Variants in DOCK1 observed in about 807,000 individuals in gnomAD.
The protein encoded by DOCK1 is dedicator of cytokinesis 1, also known as dedicator of cytokinesis protein 1.
Under a neutral mutation model 262.7 loss-of-function variants are expected in DOCK1, and 138 were observed. The ratio of observed to expected loss-of-function variants is 0.53; its 90% CI spans 0.46 to 0.61. The LOEUF (loss-of-function observed/expected upper bound fraction) is 0.61. Among genes scored for constraint, DOCK1 ranks in the 20% least tolerant of loss-of-function variants. The probability of loss-of-function intolerance (pLI) is 0.00; values close to 1 mark genes in which losing one functional copy is unlikely to be tolerated. For synonymous variants in DOCK1, 866 were observed against 867.4 expected, an observed-to-expected ratio of 1.00 and a Z score of 0.03; for missense variants, 1,908 against 2,370.7, an observed-to-expected ratio of 0.80 and a Z score of 4.05.
At chr10:127,322,084 C>CA (rs1420342375) in intron 29 of DOCK1, among the ~76,000 whole-genome samples, 1 of 150,488 alleles carries the variant, frequency 6.6e-6, no homozygotes, top group Non-Finnish European at 1.5e-5. Context: ...GTATGGGAGA[C>CA]AGAGCGAGAC....
chr10:127,137,785 T>C, intron 27 of DOCK1: 1 of 1,522,504 alleles, frequency 6.6e-7, no homozygotes, highest in Non-Finnish European at 8.9e-7. Flanking sequence ...AGTATTGACT[T>C]AAACTCCAGT....
chr10:127,363,010 T>TCC (rs1364598234), intron 33 of DOCK1, among the ~76,000 whole-genome samples: 3 of 40,642 alleles, frequency 7.4e-5, no homozygotes, highest in South Asian at 7.7e-4. Context: ...CACACGCACA[T>TCC]CCCCACACAC....
chr10:127,283,141 G>A (rs1173857060), intron 29 of DOCK1, among the ~76,000 whole-genome samples: 1 of 152,236 alleles, frequency 6.6e-6, no homozygotes, highest in Admixed American at 6.5e-5. Context: ...GGCCTTGAAG[G>A]CCAGTTGGAA....
rs1410904650 is a variant in DOCK1, at chr10:126,944,792, G to A, written c.47-25910G>A. 2.0e-5 allele frequency among the ~76,000 whole-genome samples: 3 copies of A among 152,158 alleles called. No individual in the cohort carries two copies. The East Asian group carries it at 5.8e-4, about 30-fold the overall frequency. On this transcript the variant is annotated intron_variant, in intron 1 of 51. Coordinates refer to ENST00000623213, the MANE Select transcript of DOCK1 (RefSeq NM_001290223.2). ...CTCTCAGTAAGAAGCTGGAGAGGGT[G>A]TTATCAACAGCTGTGTAACAGATCA...
intron 27 of DOCK1, among the ~76,000 whole-genome samples, chr10:127,139,655 G>A (rs1019707899): frequency 6.6e-6 from 1 of 152,198 alleles, no homozygotes; most frequent in Non-Finnish European, 1.5e-5. Flanking sequence ...GTGATGTGGT[G>A]CACTAGAAGG....
chr10:127,303,059 C>T lies in DOCK1; in HGVS notation c.3045-35947C>T, dbSNP rs77094641. Among the ~76,000 whole-genome samples, 1,347 of 152,194 alleles carry T rather than the reference C, an allele frequency of 8.9e-3. 37 individuals carry two copies. In the East Asian group the frequency reaches 0.11, roughly 12 times the overall value. On this transcript the variant is annotated intron_variant, in intron 29 of 51. Coordinates refer to ENST00000623213, the MANE Select transcript of DOCK1 (RefSeq NM_001290223.2). ...GTTAAGGAAAGAGTTATTCTGACAA[C>T]GGTTAGCAGGATAAAGAAGATTTTA...
intron 29 of DOCK1, among the ~76,000 whole-genome samples, chr10:127,283,804 T>C (rs1190586791): frequency 1.3e-5 from 2 of 152,226 alleles, no homozygotes; most frequent in Non-Finnish European, 1.5e-5. Flanking sequence ...TTTAGGTTGC[T>C]CTCAAGTTGT....
intron 1 of DOCK1, among the ~76,000 whole-genome samples, chr10:126,921,433 A>G (rs1242029765): frequency 3.3e-5 from 5 of 152,204 alleles, no homozygotes; most frequent in Non-Finnish European, 7.3e-5. Flanking sequence ...GCAAGAAGCC[A>G]GTCACAGAGG....
At chr10:127,064,531 G>A (rs1197308435) in intron 23 of DOCK1, among the ~76,000 whole-genome samples, 8 of 152,278 alleles carry the variant, frequency 5.3e-5, no homozygotes, top group East Asian at 1.9e-4. Context: ...AATGGAGGAC[G>A]CGTGGGCCAG....
intron 27 of DOCK1, among the ~76,000 whole-genome samples, chr10:127,199,128 T>C (rs578235339): frequency 6.6e-6 from 1 of 152,326 alleles, no homozygotes; most frequent in African/African-American, 2.4e-5. Flanking sequence ...TATATTTTGC[T>C]TAAGATTTTT....
rs547580084 is a variant in DOCK1 at position 127,242,421 on chromosome 10, A to G, written c.2848-5587A>G. Among the ~76,000 whole-genome samples, 63 of 152,274 alleles carry G rather than the reference A, an allele frequency of 4.1e-4. 1 individual carries two copies. The South Asian group carries it at 0.013, about 31-fold the overall frequency. Reference sequence around the variant, plus strand: ...ACATTTTGCCATTGGCTTTCCCTCTACAAAAGAGAAAGCCATTGTGCTCTG... The same window carrying G: ...ACATTTTGCCATTGGCTTTCCCTCTGCAAAAGAGAAAGCCATTGTGCTCTG... On this transcript the variant is annotated intron_variant, in intron 27 of 51. Coordinates refer to ENST00000623213, the MANE Select transcript of DOCK1 (RefSeq NM_001290223.2).
intron 47 of DOCK1, among the ~76,000 whole-genome samples, chr10:127,427,141 G>A (rs1246839949): frequency 1.3e-5 from 2 of 152,228 alleles, no homozygotes; most frequent in Non-Finnish European, 2.9e-5. Context: ...GCACAGAGAA[G>A]CAGGGAGCTC....
chr10:127,451,580 A>G lies in DOCK1; in HGVS notation c.*153A>G. 6.7e-7 allele frequency: 1 copy of G among 1,481,552 alleles called. No homozygotes were observed. The highest frequency in any genetic ancestry group is 9.0e-7 in the Non-Finnish European group (1 of 1,114,514). The allele number at this position is 1,481,552 out of a possible 1,614,324, so 91.8% of individuals were successfully genotyped here. A position where few individuals can be genotyped will look rare whatever the true frequency, so the allele number is the denominator to read the frequency against. On this transcript the variant is annotated 3_prime_UTR_variant, in exon 52 of 52. Coordinates refer to ENST00000623213, the MANE Select transcript of DOCK1 (RefSeq NM_001290223.2). Reference sequence around the variant, plus strand: ...TCTTCAAAGGAGTTCAGTTCTCACCATGGAGTGAGTGGCCTTTAGCGTCAT... The same window carrying G: ...TCTTCAAAGGAGTTCAGTTCTCACCGTGGAGTGAGTGGCCTTTAGCGTCAT...
chr10:127,405,053 T>C (rs1020733686), intron 40 of DOCK1, among the ~76,000 whole-genome samples: 2 of 152,356 alleles, frequency 1.3e-5, no homozygotes, highest in Non-Finnish European at 2.9e-5. Flanking sequence ...TGAATGGTAT[T>C]TCATTGCATG....
chr10:127,338,174 C>A (rs1451770743), intron 29 of DOCK1, among the ~76,000 whole-genome samples: 1 of 152,172 alleles, frequency 6.6e-6, no homozygotes, highest in Non-Finnish European at 1.5e-5. Context: ...AATACTAATT[C>A]CTCTTACATC....
chr10:127,008,574 A>G (rs566853797), intron 10 of DOCK1, among the ~76,000 whole-genome samples, 158 bp from the exon 11 acceptor site: 2 of 148,962 alleles, frequency 1.3e-5, no homozygotes, highest in African/African-American at 4.9e-5. Context: ...CTGATAACTT[A>G]ATTTGTCTTT....
chr10:127,142,882 G>C (rs966890630), intron 27 of DOCK1, among the ~76,000 whole-genome samples: 2 of 152,132 alleles, frequency 1.3e-5, no homozygotes, highest in African/African-American at 4.8e-5. Context: ...TTTTAAGTGT[G>C]GGGACTTTCT....
intron 27 of DOCK1, among the ~76,000 whole-genome samples, chr10:127,204,265 G>T (rs747658074): frequency 6.6e-6 from 1 of 152,166 alleles, no homozygotes; most frequent in Non-Finnish European, 1.5e-5. Flanking sequence ...ATTCGAGAAA[G>T]AAACTTGAAA....
intron 27 of DOCK1, among the ~76,000 whole-genome samples, chr10:127,166,718 C>T (rs1029814749): frequency 1.3e-5 from 2 of 152,228 alleles, no homozygotes; most frequent in Non-Finnish European, 2.9e-5. Flanking sequence ...TTTTGCATAG[C>T]TTAGCAGGAA....
Sources: allele counts gnomAD v4.1 joint callset (sites outside exome capture counted in the v4.1 genomes callset), GRCh38; gene constraint gnomAD v4.1.1; transcripts MANE v1.5; gene names NCBI Gene and HGNC (gene_info 2026-07-23, HGNC 2026-07-21).